GNAS: variants seen among roughly 807,000 people sequenced by gnomAD.
GNAS encodes the protein GNAS complex locus.
In GNAS, 8 loss-of-function variants were observed where a neutral mutation model predicts 54.5. That is an observed-to-expected ratio of 0.15 (90% CI 0.09 to 0.26). GNAS has a LOEUF of 0.26. GNAS is among the 10% of genes least tolerant of loss of function. The probability of loss-of-function intolerance (pLI) is 1.00; values close to 1 mark genes in which losing one functional copy is unlikely to be tolerated. For synonymous variants in GNAS, 204 were observed against 191.4 expected (o/e 1.07, Z -0.54); for missense variants, 170 against 529.8 (o/e 0.32, Z 6.67).
At position 58,911,046 on chromosome 20, in the gene GNAS, C is replaced by A. The variant is rs1490566529; in HGVS notation, c.*217C>A. 14 of 677,384 alleles carry A rather than the reference C, an allele frequency of 2.1e-5. No individual in the cohort carries two copies. The East Asian group carries it at 3.9e-4, about 19-fold the overall frequency. The allele number at this position is 677,384 out of a possible 1,614,324, so 42.0% of individuals were successfully genotyped here. On this transcript the variant is annotated 3_prime_UTR_variant, in exon 13 of 13. Coordinates refer to ENST00000371085, the MANE Select transcript of GNAS (RefSeq NM_000516.7). ...CGGCCTACAGAAAAAGGAAAAAAGG[C>A]CACAAAAGTTCCCTCTCACTTTCAG...
upstream of GNAS, among the ~76,000 whole-genome samples, chr20:58,890,962 G>A (rs1200367300): frequency 6.7e-6 from 1 of 150,074 alleles, no homozygotes; most frequent in Non-Finnish European, 1.5e-5. Flanking sequence ...CTCCCCTTCC[G>A]CCCACCCCAG....
At position 58,909,135 on chromosome 20, in the gene GNAS, C is replaced by A; in HGVS notation, c.531-27C>A. ...CAAATTGATGTGAGCGCTGTGAACA[C>A]CCCACGTGTCTTTCTTTTTCTCCCA... is the stretch of plus-strand genomic sequence containing the variant. On this transcript the variant is annotated intron_variant, in intron 6 of 12. Transcript: ENST00000371085. This position sits in a 1 kb window ranked among gnomAD's most constrained non-coding sequence, Gnocchi z 7.3. 1 of 1,605,846 alleles carries A rather than the reference C, an allele frequency of 6.2e-7. No homozygotes were observed.
chr20:58,867,194 G>A lies in GNAS; in HGVS notation c.43+26308G>A, dbSNP rs372689088. Among the ~76,000 whole-genome samples, 25 of 152,314 alleles carry A rather than the reference G, an allele frequency of 1.6e-4. No homozygotes were observed. In the East Asian group the frequency reaches 4.4e-3, roughly 27 times the overall value. On this transcript the variant is annotated intron_variant, in intron 1 of 12. Transcript: ENST00000306090. ...TCCAAGCAAATGCTTAGAAGACTCAGGGCAGAACCCAAAAACAAATGCCAG... is the reference window on the plus strand; with the variant it reads ...TCCAAGCAAATGCTTAGAAGACTCAAGGCAGAACCCAAAAACAAATGCCAG...
In GNAS at chr20:58,910,350, A is replaced by G. The variant is rs1476820690; in HGVS notation, c.987A>G (p.Gly329=). The change falls in exon 12 of 13, where the codon GGA becomes GGG. Residue 329 remains glycine, a synonymous_variant. Coordinates refer to ENST00000371085, the MANE Select transcript of GNAS (RefSeq NM_000516.7). The surrounding 1 kb of genome is among the most constrained non-coding windows in gnomAD (Gnocchi z 5.8). ...TTTATATAGCTACTCCCGAGCCCGG[A>G]GAGGACCCACGCGTGACCCGGGCCA... The part of the protein sequence containing the change: ...TTPEDATPEP[G]EDPRVTRAKY... The G allele has an allele frequency of 5.0e-6, 8 of 1,611,600 alleles. No individual in the cohort carries two copies. The South Asian group carries it at 8.8e-5, about 18-fold the overall frequency.
chr20:58,840,585 C>T (rs761536813), upstream of GNAS: 88 of 1,611,636 alleles, frequency 5.5e-5, no homozygotes, highest in Non-Finnish European at 7.1e-5. This position sits in a 1 kb window ranked among gnomAD's most constrained non-coding sequence, Gnocchi z 6.0. Context: ...CAGTCCCTCA[C>T]CCAGCGTCTG....
upstream of GNAS, chr20:58,888,435 C>T (rs1350827285): frequency 6.6e-6 from 1 of 152,252 alleles, no homozygotes; most frequent in Non-Finnish European, 1.5e-5. Context: ...TTTAGTAACC[C>T]TGCTCCTAAT....
At chr20:58,855,744 C>T in intron 1 of GNAS, 1 of 621,420 alleles carries the variant, frequency 1.6e-6, no homozygotes, top group Non-Finnish European at 2.9e-6. Flanking sequence ...GGAAGGCGCG[C>T]CCCGCCTCGC....
chr20:58,868,176 A>G (rs1362320248), intron 1 of GNAS, among the ~76,000 whole-genome samples: 1 of 151,988 alleles, frequency 6.6e-6, no homozygotes, highest in Non-Finnish European at 1.5e-5. Context: ...GCACGCCACC[A>G]CACATAGCTA....
At chr20:58,871,690 A>G (rs1185438687) in intron 1 of GNAS, among the ~76,000 whole-genome samples, 1 of 148,894 alleles carries the variant, frequency 6.7e-6, no homozygotes, top group East Asian at 2.0e-4. Context: ...AAAAGAGGGA[A>G]AGGAAAGAGA....
intron 1 of GNAS, chr20:58,850,858 C>A (rs887401052): frequency 2.5e-5 from 10 of 398,774 alleles, no homozygotes; most frequent in Non-Finnish European, 4.4e-5. Context: ...CGGCTTCCAA[C>A]CACCCCAGCA....
Position 58,909,136 on chromosome 20 carries a change from C to G in GNAS, c.531-26C>G. 6.2e-7 allele frequency: 1 copy of G among 1,606,838 alleles called. No individual in the cohort carries two copies. The highest frequency in any genetic ancestry group is 8.5e-7 in the Non-Finnish European group (1 of 1,173,462). On this transcript the variant is annotated intron_variant, in intron 6 of 12. Transcript: ENST00000371085. The surrounding 1 kb of genome is among the most constrained non-coding windows in gnomAD (Gnocchi z 7.3). ...AAATTGATGTGAGCGCTGTGAACAC[C>G]CCACGTGTCTTTCTTTTTCTCCCAG... is the stretch of plus-strand genomic sequence containing the variant.
At chr20:58,860,617 G>A (rs908310200) in intron 1 of GNAS, among the ~76,000 whole-genome samples, 2 of 152,070 alleles carry the variant, frequency 1.3e-5, no homozygotes, top group Non-Finnish European at 2.9e-5. Flanking sequence ...GAGTCAGTGC[G>A]TGGTCTTAGA....
At position 58,859,780 on chromosome 20, in the gene GNAS, C is replaced by A. The variant is rs112085757; in HGVS notation, c.43+18894C>A. Among the ~76,000 whole-genome samples the A allele has an allele frequency of 5.8e-3, 885 of 152,074 alleles. 9 individuals are homozygous for A. Among genetic ancestry groups the A allele is most frequent in the Middle Eastern group, 0.024 (7 of 292 alleles). ...TAGCTAGGATTACAGGTGCATGCAC[C>A]ATGCCCGGCTAATTTTTGTATTGTT... On this transcript the variant is annotated intron_variant, in intron 1 of 12. Coordinates refer to the GNAS transcript ENST00000306090.
intron 1 of GNAS, chr20:58,855,423 G>T: frequency 1.7e-6 from 2 of 1,150,458 alleles, no homozygotes; most frequent in South Asian, 2.6e-5. Flanking sequence ...TAGGGGCTCC[G>T]CAGTGGGAGG....
At chr20:58,905,105 C>T (rs2146204059) in intron 5 of GNAS, among the ~76,000 whole-genome samples, 1 of 152,290 alleles carries the variant, frequency 6.6e-6, no homozygotes. Context: ...CTAAATTACT[C>T]AGTAGCTTAC....
chr20:58,875,592 T>A (rs1298236759), intron 1 of GNAS, among the ~76,000 whole-genome samples: 2 of 152,188 alleles, frequency 1.3e-5, no homozygotes, highest in Non-Finnish European at 2.9e-5. Context: ...GAGTTGACTT[T>A]CTTCCACTGT....
At chr20:58,847,140 G>C (rs2145511689) in intron 1 of GNAS, among the ~76,000 whole-genome samples, 1 of 152,370 alleles carries the variant, frequency 6.6e-6, no homozygotes, top group South Asian at 2.1e-4. Flanking sequence ...CTTTTGAGAA[G>C]GTTGCTGAGC....
Position 58,911,189 on chromosome 20 carries a change from A to C in GNAS, c.*360A>C. On this transcript the variant is annotated 3_prime_UTR_variant, in exon 13 of 13. Transcript: ENST00000371085. ...CAAAATAAAAATTAAATGTGAGCAA[A>C]GAATGATGGGACTCCCGTGAGTTAT... 8.5e-6 allele frequency: 4 copies of C among 469,168 alleles called. No homozygotes were observed. Among genetic ancestry groups the C allele is most frequent in the South Asian group, 5.9e-5 (3 of 51,256 alleles). The allele number at this position is 469,168 out of a possible 1,614,324, so 29.1% of individuals were successfully genotyped here.
chr20:58,892,306 G>A, intron 1 of GNAS: 1 of 370,556 alleles, frequency 2.7e-6, no homozygotes, highest in Non-Finnish European at 3.7e-6. Flanking sequence ...CGGGTAGAGG[G>A]AGGGGGACCC....
Sources: gnomAD v4.1 joint callset for allele counts (sites outside exome capture counted in the v4.1 genomes callset) on GRCh38, gnomAD v4.1.1 for gene constraint, Gnocchi (gnomAD v3.1) non-coding constraint, MANE v1.5 for transcripts, NCBI Gene and HGNC (gene_info 2026-07-23, HGNC 2026-07-21) for gene names.